Variants in CLASP1 observed in about 807,000 individuals in gnomAD.
CLASP1 encodes cytoplasmic linker associated protein 1.
CLASP1 carries 38 observed loss-of-function variants against 192.3 expected under a neutral mutation model. The observed-to-expected ratio is 0.20, with a 90% CI of 0.15 to 0.26. The LOEUF is 0.26. CLASP1 is among the 10% of genes least tolerant of loss of function. The pLI, the probability that CLASP1 is intolerant of heterozygous loss-of-function variation, is 1.00. For synonymous variants in CLASP1, 691 were observed against 712.8 expected, an observed-to-expected ratio of 0.97 and a Z score of 0.49; for missense variants, 1,433 against 1,932.5, an observed-to-expected ratio of 0.74 and a Z score of 4.85.
At chr2:121,412,986 C>T (rs887587652) in intron 23 of CLASP1, among the ~76,000 whole-genome samples, 2 of 152,100 alleles carry the variant, frequency 1.3e-5, no homozygotes, top group Admixed American at 6.5e-5. Context: ...AGGCTGGGCA[C>T]GGCGGCTTTG....
chr2:121,562,010 A>T (rs1217628074), intron 2 of CLASP1, among the ~76,000 whole-genome samples: 1 of 152,210 alleles, frequency 6.6e-6, no homozygotes, highest in Non-Finnish European at 1.5e-5. Context: ...AATGTTAGAC[A>T]AGTATTCTTT....
At chr2:121,527,164 T>C (rs1243325356) in intron 5 of CLASP1, among the ~76,000 whole-genome samples, 4 of 152,214 alleles carry the variant, frequency 2.6e-5, no homozygotes, top group Non-Finnish European at 5.9e-5. Flanking sequence ...TGGAAACTTA[T>C]GTTCATGTAG....
intron 23 of CLASP1, among the ~76,000 whole-genome samples, chr2:121,414,684 C>T (rs1168757409): frequency 2.6e-5 from 4 of 152,148 alleles, no homozygotes; most frequent in Non-Finnish European, 4.4e-5. Flanking sequence ...GTTACTTCAA[C>T]GGAAATAAAA....
At chr2:121,523,861 C>T (rs1441672686) in intron 6 of CLASP1, among the ~76,000 whole-genome samples, 1 of 152,210 alleles carries the variant, frequency 6.6e-6, no homozygotes, top group Non-Finnish European at 1.5e-5. Context: ...GACAGGCCCA[C>T]AGCATGAGCT....
chr2:121,513,736 T>A (rs1384323934), intron 7 of CLASP1, among the ~76,000 whole-genome samples: 1 of 152,180 alleles, frequency 6.6e-6, no homozygotes, highest in Non-Finnish European at 1.5e-5. Context: ...TCCTAGAGAC[T>A]CTCCTGGTAG....
intron 9 of CLASP1, among the ~76,000 whole-genome samples, chr2:121,463,009 T>C (rs550367635): frequency 6.6e-6 from 1 of 152,294 alleles, no homozygotes; most frequent in East Asian, 1.9e-4. Context: ...TTTGTGAATA[T>C]TCAAACAAGT....
intron 8 of CLASP1, among the ~76,000 whole-genome samples, chr2:121,484,670 G>A (rs894287153): frequency 3.9e-5 from 6 of 152,282 alleles, no homozygotes; most frequent in African/African-American, 1.2e-4. Context: ...AGAACATGGT[G>A]GGGAAGAGGT....
chr2:121,389,995 C>G (rs2074064901), intron 30 of CLASP1, among the ~76,000 whole-genome samples: 1 of 152,198 alleles, frequency 6.6e-6, no homozygotes, highest in Non-Finnish European at 1.5e-5. Flanking sequence ...CTGCCTCAGT[C>G]TCTGGAGTAG....
chr2:121,496,499 A>G (rs1446656142), intron 8 of CLASP1, among the ~76,000 whole-genome samples: 1 of 152,232 alleles, frequency 6.6e-6, no homozygotes, highest in Admixed American at 6.5e-5. Context: ...GGGAAAAAGC[A>G]GAGAGAAAAA....
chr2:121,462,763 C>T (rs1575096042), intron 9 of CLASP1, among the ~76,000 whole-genome samples, 158 bp from the exon 10 acceptor site: 1 of 152,098 alleles, frequency 6.6e-6, no homozygotes, highest in Admixed American at 6.6e-5. Flanking sequence ...ATGAAATTGA[C>T]AAACATTACT....
intron 1 of CLASP1, among the ~76,000 whole-genome samples, chr2:121,638,100 AT>A (rs2071250389): frequency 6.6e-6 from 1 of 152,158 alleles, no homozygotes; most frequent in Non-Finnish European, 1.5e-5. Context: ...TAAATCAATC[AT>A]AAAACTCAAA....
chr2:121,448,217 G>T, intron 18 of CLASP1, 59 bp downstream of exon 18: 1 of 1,476,148 alleles, frequency 6.8e-7, no homozygotes, highest in Non-Finnish European at 9.5e-7. Flanking sequence ...GCCTCTTGCA[G>T]CTGCACGTAC....
chr2:121,342,663 G>C (rs1257360074), intron 39 of CLASP1, among the ~76,000 whole-genome samples: 1 of 152,100 alleles, frequency 6.6e-6, no homozygotes, highest in African/African-American at 2.4e-5. Flanking sequence ...AGAGAAAATT[G>C]GCTGGGCATG....
chr2:121,498,201 C>CTTTTTTTTTTTTTTTTTTTTT (rs70954551), intron 8 of CLASP1, among the ~76,000 whole-genome samples: 1 of 119,128 alleles, frequency 8.4e-6, no homozygotes, highest in Non-Finnish European at 1.7e-5. Flanking sequence ...GTAATAGTTT[C>CTTTTTTTTTTTTTTTTTTTTT]TTTTTTTTTT....
At chr2:121,389,945 T>G (rs976809066) in intron 30 of CLASP1, among the ~76,000 whole-genome samples, 2 of 151,824 alleles carry the variant, frequency 1.3e-5, no homozygotes, top group African/African-American at 4.8e-5. Flanking sequence ...CCAATCATAG[T>G]GCACTGCAGC....
rs182737846 is a variant in CLASP1 at position 121,384,127 on chromosome 2, T to C, written c.3375-1803A>G. Among the ~76,000 whole-genome samples, 360 of 133,044 alleles carry C rather than the reference T, an allele frequency of 2.7e-3. 1 individual carries two copies. Among genetic ancestry groups the C allele is most frequent in the Middle Eastern group, 4.1e-3 (1 of 246 alleles). The allele number at this position is 133,044 out of a possible 152,430, so 87.3% of individuals were successfully genotyped here. A position where few individuals can be genotyped will look rare whatever the true frequency, so the allele number is the denominator to read the frequency against. ...ATATATGTATATATATATACACACA[T>C]ATATATGTATATATATATACACACA... On this transcript the variant is annotated intron_variant, in intron 32 of 39. Transcript: ENST00000263710.
chr2:121,577,331 A>C (rs566027093), intron 2 of CLASP1, among the ~76,000 whole-genome samples: 105 of 152,356 alleles, frequency 6.9e-4, no homozygotes, highest in African/African-American at 2.3e-3. Context: ...CAAATGACCT[A>C]AATCTCTATC....
intron 1 of CLASP1, among the ~76,000 whole-genome samples, chr2:121,610,329 GTTATAGGAGGAA>G (rs2065080829): frequency 6.6e-6 from 1 of 150,562 alleles, no homozygotes; most frequent in African/African-American, 2.5e-5. Context: ...AGGAGGAGGA[GTTATAGGAGGAA>G]GAGGAGCTGG....
chr2:121,518,123 T>C (rs1302445166), intron 6 of CLASP1, among the ~76,000 whole-genome samples: 1 of 146,978 alleles, frequency 6.8e-6, no homozygotes, highest in Non-Finnish European at 1.5e-5. Flanking sequence ...CCCAGCTACT[T>C]GGGAGGCTGA....
Sources: gnomAD v4.1 joint callset for allele counts (sites outside exome capture counted in the v4.1 genomes callset) on GRCh38, gnomAD v4.1.1 for gene constraint, MANE v1.5 for transcripts, NCBI Gene and HGNC (gene_info 2026-07-23, HGNC 2026-07-21) for gene names.